Variants in SFMBT1 observed in about 807,000 individuals in gnomAD.
The protein encoded by SFMBT1 is scm-like with four MBT domains protein 1.
Under a neutral mutation model 108.7 loss-of-function variants are expected in SFMBT1, and 32 were observed. That is an observed-to-expected ratio of 0.29 (90% confidence interval 0.22 to 0.40). The LOEUF (loss-of-function observed/expected upper bound fraction) is 0.40. Among genes scored for constraint, SFMBT1 ranks in the 10% least tolerant of loss-of-function variants. The pLI, the probability that SFMBT1 is intolerant of heterozygous loss-of-function variation, is 1.00. For missense variants in SFMBT1, 816 were observed against 1,059.6 expected (o/e 0.77, Z 3.19); for synonymous variants, 348 against 369.5 (o/e 0.94, Z 0.67).
intron 2 of SFMBT1, among the ~76,000 whole-genome samples, chr3:52,962,631 C>A (rs980878639): frequency 2.5e-4 from 38 of 151,782 alleles, no homozygotes; most frequent in African/African-American, 8.9e-4. Flanking sequence ...CATGATGAAA[C>A]CCCATCTCTA....
rs1430167642 is a variant in SFMBT1 at position 53,046,058 on chromosome 3, C to G, written c.-373G>C. 2.6e-5 allele frequency: 4 copies of G among 151,162 alleles called. No homozygotes were observed. Among genetic ancestry groups the G allele is most frequent in the Admixed American group, 6.6e-5 (1 of 15,216 alleles). The allele number at this position is 151,162 out of a possible 1,614,324, so 9.4% of individuals were successfully genotyped here. A position where few individuals can be genotyped will look rare whatever the true frequency, so the allele number is the denominator to read the frequency against. On this transcript the variant is annotated 5_prime_UTR_variant, in exon 1 of 21. Transcript: ENST00000394752. ...GAGGCGGCGGCGGCGCTCCGCGCTC[C>G]GACTCATTCCAATATGGCACGGACG... is the stretch of plus-strand genomic sequence containing the variant.
At chr3:53,040,135 G>A (rs187035516) in intron 1 of SFMBT1, among the ~76,000 whole-genome samples, 1 of 152,294 alleles carries the variant, frequency 6.6e-6, no homozygotes, top group Admixed American at 6.5e-5. Flanking sequence ...TGAGAGACAG[G>A]AAAGCACTCT....
At chr3:52,921,334 C>G (rs1702513799) in intron 11 of SFMBT1, among the ~76,000 whole-genome samples, 1 of 152,122 alleles carries the variant, frequency 6.6e-6, no homozygotes, top group African/African-American at 2.4e-5. Context: ...CATTTCTACT[C>G]TATATACTTT....
chr3:53,024,256 T>C (rs1163552684), intron 1 of SFMBT1, among the ~76,000 whole-genome samples: 1 of 151,890 alleles, frequency 6.6e-6, no homozygotes, highest in Non-Finnish European at 1.5e-5. Flanking sequence ...GAGCCTGTTC[T>C]ATGAAATTTT....
chr3:52,962,597 G>C (rs1380159518), intron 2 of SFMBT1, among the ~76,000 whole-genome samples: 1 of 152,058 alleles, frequency 6.6e-6, no homozygotes. Context: ...CATGAGGCCA[G>C]GAGTTTGAGA....
chr3:52,914,682 T>C (rs1316768685), intron 14 of SFMBT1, among the ~76,000 whole-genome samples: 5 of 152,176 alleles, frequency 3.3e-5, no homozygotes, highest in Non-Finnish European at 7.3e-5. Context: ...AGGTGGAGGT[T>C]GCAGTGAGCT....
At chr3:52,995,712 T>G (rs917210318) in intron 1 of SFMBT1, among the ~76,000 whole-genome samples, 1 of 149,876 alleles carries the variant, frequency 6.7e-6, no homozygotes, top group Non-Finnish European at 1.5e-5. Flanking sequence ...GCAAATAACT[T>G]TAAAACATGA....
chr3:53,037,803 C>A (rs982531217), intron 1 of SFMBT1, among the ~76,000 whole-genome samples: 6 of 152,068 alleles, frequency 3.9e-5, no homozygotes, highest in African/African-American at 1.4e-4. Context: ...TGAGAGACCC[C>A]ATCTCTACAA....
intron 8 of SFMBT1, among the ~76,000 whole-genome samples, chr3:52,929,353 C>G (rs1702788141): frequency 6.6e-6 from 1 of 152,190 alleles, no homozygotes; most frequent in African/African-American, 2.4e-5. Flanking sequence ...GATTCTCTCA[C>G]CTCAGCCTCC....
chr3:53,033,769 CAAAAAA>C (rs538122738), intron 1 of SFMBT1, among the ~76,000 whole-genome samples: 1 of 107,438 alleles, frequency 9.3e-6, no homozygotes, highest in Non-Finnish European at 2.1e-5. Flanking sequence ...CCAAAAAAGA[CAAAAAA>C]AAAAAAAAAA....
In SFMBT1 at chr3:52,926,658, T is replaced by C. The variant is rs150449822; in HGVS notation, c.1049-545A>G. On this transcript the variant is annotated intron_variant, in intron 9 of 20. Transcript: ENST00000394752. The stretch of plus-strand genomic sequence containing the variant: ...TTACAGAATATCAATGCTTTTATAA[T>C]CTAAATCATGTATTTATTTCAGAAA... 5.3e-5 allele frequency among the ~76,000 whole-genome samples: 8 copies of C among 152,286 alleles called. No individual in the cohort carries two copies. The East Asian group carries it at 1.5e-3, about 29-fold the overall frequency.
intron 1 of SFMBT1, among the ~76,000 whole-genome samples, chr3:53,013,915 C>CT (rs1277189279): frequency 6.6e-6 from 1 of 152,048 alleles, no homozygotes; most frequent in African/African-American, 2.4e-5. Context: ...AGGTGTGAGC[C>CT]ACTGCTCCCG....
intron 1 of SFMBT1, among the ~76,000 whole-genome samples, chr3:52,999,993 G>A (rs1481104163): frequency 1.3e-5 from 2 of 149,974 alleles, no homozygotes; most frequent in African/African-American, 4.8e-5. Context: ...TGAGTAGTTG[G>A]GACTACAGGC....
At chr3:52,955,997 C>T (rs1204230625) in intron 2 of SFMBT1, among the ~76,000 whole-genome samples, 1 of 152,202 alleles carries the variant, frequency 6.6e-6, no homozygotes, top group African/African-American at 2.4e-5. Context: ...CATCAGAAAG[C>T]TTATCTACCA....
intron 1 of SFMBT1, among the ~76,000 whole-genome samples, chr3:53,027,840 T>C (rs1450389177): frequency 6.6e-6 from 1 of 152,230 alleles, no homozygotes; most frequent in Non-Finnish European, 1.5e-5. Flanking sequence ...TTCCCCCTGT[T>C]CTTTAACCCA....
chr3:53,019,871 A>G (rs937139401), intron 1 of SFMBT1, among the ~76,000 whole-genome samples: 1 of 152,186 alleles, frequency 6.6e-6, no homozygotes, highest in Non-Finnish European at 1.5e-5. Context: ...CCTTACTGGG[A>G]TATACGAGGC....
At chr3:52,925,958 C>G in intron 10 of SFMBT1, 73 bp downstream of exon 10, 1 of 1,346,812 alleles carries the variant, frequency 7.4e-7, no homozygotes, top group Non-Finnish European at 1.0e-6. Context: ...AGAGCAATAA[C>G]ATGGAAAGCA....
chr3:52,916,131 A>G lies in SFMBT1; in HGVS notation c.1480+19T>C, dbSNP rs763892579. On this transcript the variant is annotated intron_variant, in intron 14 of 20. Coordinates refer to ENST00000394752, the MANE Select transcript of SFMBT1 (RefSeq NM_016329.4). ...AAGAAACTAAGTCTTCTTTTCCTTA[A>G]GATGACATGTGCTTATACCTGACTC... 1.9e-6 allele frequency: 3 copies of G among 1,608,230 alleles called. No homozygotes were observed. The highest frequency in any genetic ancestry group is 1.7e-5 in the Admixed American group (1 of 59,396).
At chr3:53,032,040 C>A (rs1699703923) in intron 1 of SFMBT1, among the ~76,000 whole-genome samples, 1 of 152,142 alleles carries the variant, frequency 6.6e-6, no homozygotes, top group Non-Finnish European at 1.5e-5. Flanking sequence ...CTGAGCTGAA[C>A]CCTCCATGAT....
Sources: allele counts gnomAD v4.1 joint callset (sites outside exome capture counted in the v4.1 genomes callset), GRCh38; gene constraint gnomAD v4.1.1; transcripts MANE v1.5; gene names NCBI Gene and HGNC (gene_info 2026-07-23, HGNC 2026-07-21).